Variants in GAREM1 observed in about 807,000 individuals in gnomAD.
GAREM1 encodes the protein GRB2 associated regulator of MAPK1 subtype 1.
GAREM1 carries 26 observed loss-of-function variants against 71.3 expected under a neutral mutation model. The observed-to-expected ratio is 0.36, with a 90% CI of 0.27 to 0.51. The LOEUF (loss-of-function observed/expected upper bound fraction) is 0.51, where lower values mean the gene tolerates loss of function less well. Ranked by LOEUF, GAREM1 falls within the 20% of genes least tolerant of loss-of-function variation. The pLI is 0.95. For synonymous variants in GAREM1, 440 were observed against 433.2 expected (o/e 1.02, Z -0.20); for missense variants, 1,026 against 1,103.1 (o/e 0.93, Z 0.99).
At chr18:32,363,096 T>G (rs994588581) in intron 2 of GAREM1, among the ~76,000 whole-genome samples, 10 of 152,104 alleles carry the variant, frequency 6.6e-5, no homozygotes, top group African/African-American at 2.2e-4. Flanking sequence ...GAATCCAAAT[T>G]GATGGGCCTG....
In GAREM1 at chr18:32,268,377, T is replaced by C; in HGVS notation, c.2125A>G (p.Lys709Glu). 1 of 1,614,128 alleles carries C rather than the reference T, an allele frequency of 6.2e-7. No individual in the cohort carries two copies. The highest frequency in any genetic ancestry group is 1.1e-5 in the South Asian group (1 of 91,082). ...ASYSLESTDV[K>E]SLAAGVTKQS... ...TTTGTCACACCAGCTGCAAGAGATT[T>C]CACATCTGTGCTCTCCAGAGAGTAG... Residue 709 changes from lysine (K) to glutamate (E), a missense_variant, in exon 6 of 6, where the codon AAA becomes GAA. Coordinates refer to ENST00000269209, the MANE Select transcript of GAREM1 (RefSeq NM_001242409.2).
intron 1 of GAREM1, among the ~76,000 whole-genome samples, chr18:32,410,130 A>G (rs1181752841): frequency 2.0e-5 from 3 of 152,212 alleles, no homozygotes; most frequent in African/African-American, 7.2e-5. Flanking sequence ...AAAGAATCAC[A>G]TAAGCAGACA....
At chr18:32,464,595 C>T (rs1028560794) in intron 1 of GAREM1, among the ~76,000 whole-genome samples, 4 of 152,208 alleles carry the variant, frequency 2.6e-5, no homozygotes, top group Non-Finnish European at 5.9e-5. Context: ...AAAGACCTTT[C>T]GCCACCTTTC....
At chr18:32,413,581 T>C (rs1014690328) in intron 1 of GAREM1, among the ~76,000 whole-genome samples, 3 of 152,074 alleles carry the variant, frequency 2.0e-5, no homozygotes, top group Admixed American at 2.0e-4. Flanking sequence ...GAAAGGACAC[T>C]ATATCAAAAT....
intron 2 of GAREM1, among the ~76,000 whole-genome samples, chr18:32,352,107 C>T (rs549067316): frequency 2.6e-4 from 39 of 152,286 alleles, no homozygotes; most frequent in Middle Eastern, 3.4e-3. Flanking sequence ...GCATTCTGAG[C>T]CACTACAGGA....
intron 2 of GAREM1, among the ~76,000 whole-genome samples, chr18:32,320,762 T>C (rs2047420887): frequency 6.6e-6 from 1 of 152,208 alleles, no homozygotes; most frequent in African/African-American, 2.4e-5. Context: ...GCCAAACCAT[T>C]TCACACCATG....
intron 1 of GAREM1, among the ~76,000 whole-genome samples, chr18:32,445,031 C>T (rs2048773526): frequency 6.6e-6 from 1 of 152,124 alleles, no homozygotes; most frequent in African/African-American, 2.4e-5. Flanking sequence ...GATCCCAGAA[C>T]ACCTGTGCCC....
At chr18:32,397,695 A>G (rs1198104702) in intron 1 of GAREM1, among the ~76,000 whole-genome samples, 2 of 152,190 alleles carry the variant, frequency 1.3e-5, no homozygotes, top group Non-Finnish European at 2.9e-5. Context: ...ACTCCCACAC[A>G]ATAATAATGG....
At chr18:32,286,727 C>T (rs887020747) in intron 4 of GAREM1, among the ~76,000 whole-genome samples, 2 of 152,168 alleles carry the variant, frequency 1.3e-5, no homozygotes, top group African/African-American at 4.8e-5. Context: ...AATGCAGTCG[C>T]CTCTTCTCTG....
At chr18:32,388,335 T>C (rs1231208655) in intron 2 of GAREM1, among the ~76,000 whole-genome samples, 1 of 152,076 alleles carries the variant, frequency 6.6e-6, no homozygotes, top group East Asian at 1.9e-4. Context: ...TGGAGTTAAG[T>C]TAGAAAAGAA....
chr18:32,297,963 A>G (rs947606353), intron 3 of GAREM1, among the ~76,000 whole-genome samples: 13 of 152,228 alleles, frequency 8.5e-5, no homozygotes, highest in Admixed American at 7.2e-4. Context: ...TTAAGAAATG[A>G]TAAGTCTAGT....
chr18:32,268,414 G>A lies in GAREM1; in HGVS notation c.2088C>T (p.Pro696=). The change falls in exon 6 of 6, where the codon CCC becomes CCT. Residue 696 remains proline, a synonymous_variant. Transcript: ENST00000269209. ...AEFSSSVSGC[P]KSASYSLEST... is the part of the protein sequence containing the mutation. ...TCTCCAGAGAGTAGCTGGCTGACTT[G>A]GGACAACCAGAGACGCTGCTACTGA... is the stretch of plus-strand genomic sequence containing the variant. 1 of 1,614,200 alleles carries A rather than the reference G, an allele frequency of 6.2e-7. No individual in the cohort carries two copies. Among genetic ancestry groups the A allele is most frequent in the Non-Finnish European group, 8.5e-7 (1 of 1,180,036 alleles).
In GAREM1 at chr18:32,267,835, A is replaced by G; in HGVS notation, c.*36T>C. On this transcript the variant is annotated 3_prime_UTR_variant, in exon 6 of 6. Coordinates refer to ENST00000269209, the MANE Select transcript of GAREM1 (RefSeq NM_001242409.2). ...CCCACCCCTTCTAGCACACGCATTG[A>G]TCAGTTTTGTTCCATGCTGGCCGGG... is the stretch of plus-strand genomic sequence containing the variant. The G allele has an allele frequency of 1.3e-6, 2 of 1,552,346 alleles. No homozygotes were observed. The highest frequency in any genetic ancestry group is 1.2e-5 in the South Asian group (1 of 83,584).
At chr18:32,303,362 CAT>C (rs1249632785) in intron 3 of GAREM1, among the ~76,000 whole-genome samples, 6 of 152,166 alleles carry the variant, frequency 3.9e-5, no homozygotes, top group African/African-American at 1.4e-4. Context: ...CCACAACTGT[CAT>C]AGTAAAGATA....
intron 3 of GAREM1, among the ~76,000 whole-genome samples, chr18:32,291,669 C>T (rs117637258): frequency 0.029 from 4,449 of 151,764 alleles, 111 homozygotes; most frequent in Non-Finnish European, 0.042. Context: ...CAACAGGCCC[C>T]GGTGTGTGAT....
intron 2 of GAREM1, among the ~76,000 whole-genome samples, chr18:32,333,417 A>G (rs980486842): frequency 2.6e-5 from 4 of 152,176 alleles, no homozygotes; most frequent in Non-Finnish European, 4.4e-5. Context: ...AGGGCCAAGG[A>G]GCAGACAAGG....
chr18:32,263,970 T>C lies in GAREM1; in HGVS notation c.*3901A>G, dbSNP rs1248866104. ...TAGAGCAGCAAAATTACAGAAGATA[T>C]TTGTATATAGTTTAAACTGAAATCA... On this transcript the variant is annotated 3_prime_UTR_variant, in exon 6 of 6. Transcript: ENST00000269209. The C allele has an allele frequency of 6.6e-6, 1 of 152,182 alleles. No individual in the cohort carries two copies. The highest frequency in any genetic ancestry group is 1.5e-5 in the Non-Finnish European group (1 of 68,024). The allele number at this position is 152,182 out of a possible 1,614,324, so 9.4% of individuals were successfully genotyped here.
In GAREM1 at chr18:32,278,264, G is replaced by T. The variant is rs773262907; in HGVS notation, c.1567-7881C>A. ...GATGATGGATCTAGGGACATCTGCT[G>T]ACAGGGCCATGTATTTCCTGAGTTA... On this transcript the variant is annotated intron_variant, in intron 4 of 5. Transcript: ENST00000269209. 2.6e-5 allele frequency among the ~76,000 whole-genome samples: 4 copies of T among 152,194 alleles called. No individual in the cohort carries two copies. In the South Asian group the frequency reaches 6.2e-4, roughly 24 times the overall value.
At chr18:32,446,504 C>G (rs368203658) in intron 1 of GAREM1, among the ~76,000 whole-genome samples, 1 of 152,112 alleles carries the variant, frequency 6.6e-6, no homozygotes, top group South Asian at 2.1e-4. Context: ...CCTGACCAAA[C>G]CAGGATGCTG....
Sources: gnomAD v4.1 joint callset for allele counts (sites outside exome capture counted in the v4.1 genomes callset) on GRCh38, gnomAD v4.1.1 for gene constraint, MANE v1.5 for transcripts, NCBI Gene and HGNC (gene_info 2026-07-23, HGNC 2026-07-21) for gene names.